OSBPL6: variants seen among roughly 807,000 people sequenced by gnomAD.
The protein encoded by OSBPL6 is oxysterol-binding protein-related protein 6.
In OSBPL6, 49 loss-of-function variants were observed where a neutral mutation model predicts 125.8. The ratio of observed to expected loss-of-function variants is 0.39; its 90% CI spans 0.31 to 0.49. The LOEUF (loss-of-function observed/expected upper bound fraction) is 0.49, where lower values mean the gene tolerates loss of function less well. Ranked by LOEUF, OSBPL6 falls within the 20% of genes least tolerant of loss-of-function variation. OSBPL6 has a pLI of 0.88. For missense variants in OSBPL6, 986 were observed against 1,135.4 expected (o/e 0.87, Z 1.89); for synonymous variants, 394 against 391.8 (o/e 1.01, Z -0.07).
At chr2:178,240,678 G>T (rs567434385) in intron 1 of OSBPL6, among the ~76,000 whole-genome samples, 2 of 152,030 alleles carry the variant, frequency 1.3e-5, no homozygotes, top group African/African-American at 4.8e-5. Flanking sequence ...GCTTGAGCCC[G>T]GGAGGCAGAG....
At chr2:178,301,167 G>A (rs2154055168) in intron 2 of OSBPL6, among the ~76,000 whole-genome samples, 2 of 151,936 alleles carry the variant, frequency 1.3e-5, no homozygotes, top group South Asian at 4.1e-4. Context: ...TTAATCACTT[G>A]CAAGCAGAAA....
At chr2:178,365,328 G>A (rs956719527) in intron 13 of OSBPL6, among the ~76,000 whole-genome samples, 2 of 151,950 alleles carry the variant, frequency 1.3e-5, no homozygotes, top group Admixed American at 6.6e-5. Flanking sequence ...AAATTTTATC[G>A]TCTTTTCGAA....
At chr2:178,196,378 A>G (rs1203807183) in intron 1 of OSBPL6, among the ~76,000 whole-genome samples, 2 of 152,178 alleles carry the variant, frequency 1.3e-5, no homozygotes, top group Non-Finnish European at 2.9e-5. Flanking sequence ...AGAAAGCCTA[A>G]AAATTCTGGT....
At chr2:178,304,992 C>T (rs1429422812) in intron 2 of OSBPL6, among the ~76,000 whole-genome samples, 1 of 152,118 alleles carries the variant, frequency 6.6e-6, no homozygotes, top group South Asian at 2.1e-4. Flanking sequence ...AGTGTCTCAC[C>T]CTCTGGACTG....
chr2:178,328,175 C>T (rs1382298789), intron 4 of OSBPL6, 81 bp from the exon 5 acceptor site: 1 of 1,575,658 alleles, frequency 6.3e-7, no homozygotes, highest in East Asian at 2.3e-5. Context: ...GCTTCAAAAG[C>T]AACTTCTACT....
At chr2:178,203,963 AC>A (rs2089393771) in intron 1 of OSBPL6, among the ~76,000 whole-genome samples, 1 of 145,710 alleles carries the variant, frequency 6.9e-6, no homozygotes. Flanking sequence ...TTTTTCTCCA[AC>A]CTCTTTGGCT....
chr2:178,356,065 C>G (rs989564125), intron 12 of OSBPL6, among the ~76,000 whole-genome samples: 1 of 152,164 alleles, frequency 6.6e-6, no homozygotes, highest in Non-Finnish European at 1.5e-5. Flanking sequence ...TCTCAATAAA[C>G]TAGGTATTGA....
chr2:178,218,592 G>A (rs1014569372), intron 1 of OSBPL6, among the ~76,000 whole-genome samples: 4 of 149,392 alleles, frequency 2.7e-5, no homozygotes, highest in Non-Finnish European at 5.9e-5. Flanking sequence ...CTCTTTTACT[G>A]ACTTTTTTCT....
chr2:178,340,331 A>G (rs1690090378), intron 11 of OSBPL6, among the ~76,000 whole-genome samples: 1 of 152,096 alleles, frequency 6.6e-6, no homozygotes. Context: ...TAAGCTCTGA[A>G]TTATCTTTCA....
chr2:178,229,842 A>G (rs2090741081), intron 1 of OSBPL6, among the ~76,000 whole-genome samples: 1 of 152,210 alleles, frequency 6.6e-6, no homozygotes, highest in Non-Finnish European at 1.5e-5. Flanking sequence ...AAAGAAAAGG[A>G]AAGAAAAAGA....
intron 1 of OSBPL6, among the ~76,000 whole-genome samples, chr2:178,259,437 G>T (rs2091987130): frequency 1.4e-5 from 2 of 143,194 alleles, no homozygotes; most frequent in South Asian, 4.5e-4. Context: ...GAAGAGAAAT[G>T]ATCAAAATAG....
chr2:178,382,592 C>T, intron 16 of OSBPL6, 85 bp downstream of exon 16: 2 of 1,574,054 alleles, frequency 1.3e-6, no homozygotes, highest in South Asian at 1.2e-5. Flanking sequence ...TTCCCCCTCC[C>T]ACGCCACCCC....
At position 178,214,140 on chromosome 2, in the gene OSBPL6, A is replaced by G. The variant is rs185333038; in HGVS notation, c.-351+19466A>G. On this transcript the variant is annotated intron_variant, in intron 1 of 24. Coordinates refer to ENST00000190611, the MANE Select transcript of OSBPL6 (RefSeq NM_032523.4). ...TCTCTCCCCAGTGCCTTTCATAACA[A>G]ATATTTGCCAACTGAATGTGTAATG... Among the ~76,000 whole-genome samples the G allele has an allele frequency of 3.0e-4, 45 of 152,284 alleles. No homozygotes were observed. In the East Asian group the frequency reaches 4.6e-3, roughly 16 times the overall value.
In OSBPL6 at chr2:178,238,943, G is replaced by A. The variant is rs543917930; in HGVS notation, c.-351+44269G>A. ...TGTTAACAGTCACCTCCATGTGGAT[G>A]ATTTCCAAATATAGATTTGTCTCTT... On this transcript the variant is annotated intron_variant, in intron 1 of 24. Coordinates refer to ENST00000190611, the MANE Select transcript of OSBPL6 (RefSeq NM_032523.4). 2.6e-5 allele frequency among the ~76,000 whole-genome samples: 4 copies of A among 152,316 alleles called. No homozygotes were observed. In the East Asian group the frequency reaches 7.7e-4, roughly 29 times the overall value.
At position 178,349,384 on chromosome 2, in the gene OSBPL6, A is replaced by G. The variant is rs757145337; in HGVS notation, c.1148A>G (p.Gln383Arg). ...CAAGAAGAATTTTGTCTAATCGCAC[A>G]GAAAGGTAAGAACAAAAATAATGCG... ...KLQEEFCLIA[Q>R]KVHSLLKSAF... Residue 383 changes from glutamine to arginine, a missense_variant, in exon 12 of 25, where the codon CAG becomes CGG. Physicochemically the swap from Gln to Arg is conservative, Grantham distance 43 (BLOSUM62 1). Transcript: ENST00000190611. 3.1e-6 allele frequency: 5 copies of G among 1,613,988 alleles called. No individual in the cohort carries two copies. The South Asian group carries it at 4.4e-5, about 14-fold the overall frequency.
chr2:178,250,897 A>G (rs2154002458), intron 1 of OSBPL6, among the ~76,000 whole-genome samples: 1 of 151,870 alleles, frequency 6.6e-6, no homozygotes, highest in East Asian at 1.9e-4. Flanking sequence ...GCTGTGTCTT[A>G]TCTTATGCAC....
chr2:178,361,659 T>C (rs1349957071), intron 12 of OSBPL6, 23 bp from the exon 13 acceptor site: 4 of 1,612,390 alleles, frequency 2.5e-6, no homozygotes, highest in Non-Finnish European at 3.4e-6. Flanking sequence ...TGACAGTTTT[T>C]TCTCACTTTT....
chr2:178,385,342 A>G (rs554146760), intron 18 of OSBPL6, 116 bp from the exon 19 acceptor site: 1 of 698,454 alleles, frequency 1.4e-6, no homozygotes, highest in African/African-American at 1.8e-5. Context: ...GTGTTTTTAA[A>G]GCATGAAGTC....
At chr2:178,327,929 G>A (rs1174481792) in intron 4 of OSBPL6, among the ~76,000 whole-genome samples, 1 of 152,154 alleles carries the variant, frequency 6.6e-6, no homozygotes, top group African/African-American at 2.4e-5. Flanking sequence ...GTGCCTCTGT[G>A]TTCAGGGATT....
Sources: gnomAD v4.1 joint callset for allele counts (sites outside exome capture counted in the v4.1 genomes callset) on GRCh38, gnomAD v4.1.1 for gene constraint, MANE v1.5 for transcripts, NCBI Gene and HGNC (gene_info 2026-07-23, HGNC 2026-07-21) for gene names.